CD44: variants seen among roughly 807,000 people sequenced by gnomAD.
CD44 encodes the protein CD44 molecule (IN blood group), also known as CD44 antigen.
CD44 carries 49 observed loss-of-function variants against 88.8 expected under a neutral mutation model. The ratio of observed to expected loss-of-function variants is 0.55; its 90% CI spans 0.44 to 0.70. The LOEUF is 0.70. CD44 is among the 30% of genes least tolerant of loss of function. The pLI, the probability that CD44 is intolerant of heterozygous loss-of-function variation, is 0.00. For synonymous variants in CD44, 325 were observed against 312.3 expected, an observed-to-expected ratio of 1.04 and a Z score of -0.43; for missense variants, 883 against 913.8, an observed-to-expected ratio of 0.97 and a Z score of 0.43.
chr11:35,140,058 G>A (rs1325920590), intron 1 of CD44, among the ~76,000 whole-genome samples: 1 of 152,240 alleles, frequency 6.6e-6, no homozygotes, highest in African/African-American at 2.4e-5. Flanking sequence ...TGGACCAGCT[G>A]CTTGGTCCTC....
chr11:35,176,745 G>A lies in CD44; in HGVS notation c.233+5G>A, dbSNP rs758352011. On this transcript the variant is annotated splice_donor_5th_base_variant and intron_variant, in intron 2 of 17. Transcript: ENST00000428726. ...CATCGGATTTGAGACCTGCAGGTAA[G>A]AGACCAGCACCCGACCACTGGGGAA... 8.7e-6 allele frequency: 14 copies of A among 1,613,370 alleles called. No individual in the cohort carries two copies. The highest frequency in any genetic ancestry group is 1.2e-5 in the Non-Finnish European group (14 of 1,179,650).
intron 16 of CD44, among the ~76,000 whole-genome samples, chr11:35,221,262 G>A (rs956371586): frequency 2.0e-5 from 3 of 152,028 alleles, no homozygotes; most frequent in African/African-American, 7.2e-5. Context: ...TTAATACAAT[G>A]TAAGGTGGAT....
At chr11:35,147,917 C>T (rs1590887073) in intron 1 of CD44, among the ~76,000 whole-genome samples, 3 of 152,126 alleles carry the variant, frequency 2.0e-5, no homozygotes, top group East Asian at 3.9e-4. Flanking sequence ...GGAGAAACCC[C>T]GTCTCTACTA....
chr11:35,195,424 AG>A (rs375273249), intron 5 of CD44, among the ~76,000 whole-genome samples: 332 of 151,678 alleles, frequency 2.2e-3, no homozygotes, highest in Middle Eastern at 6.8e-3. Context: ...AGGGGTGGGG[AG>A]GGGGGATACA....
intron 4 of CD44, among the ~76,000 whole-genome samples, chr11:35,188,079 G>A (rs1406857455): frequency 2.0e-5 from 3 of 152,112 alleles, no homozygotes; most frequent in African/African-American, 4.8e-5. Context: ...CTGATCTTAC[G>A]GCCTCTGAGC....
Position 35,229,166 on chromosome 11 carries a change from A to G in CD44, c.2062A>G (p.Asn688Asp), listed in dbSNP as rs1305685443. ...QKKKLVINSG[N>D]GAVEDRKPSG... is the part of the protein sequence containing the mutation. ...GAAAAAGCTAGTGATCAACAGTGGC[A>G]ATGGAGCTGTGGAGGACAGAAAGCC... The change falls in exon 18 of 18, where the codon AAT (asparagine) becomes GAT (aspartate). Residue 688 changes from asparagine (N) to aspartate (D), a missense_variant. By Grantham distance (23) the Asn-to-Asp change is conservative. Transcript: ENST00000428726. 1.9e-6 allele frequency: 3 copies of G among 1,614,054 alleles called. No homozygotes were observed. The South Asian group carries it at 3.3e-5, about 18-fold the overall frequency.
At chr11:35,186,422 T>C (rs950258024) in intron 3 of CD44, among the ~76,000 whole-genome samples, 1 of 152,214 alleles carries the variant, frequency 6.6e-6, no homozygotes, top group African/African-American at 2.4e-5. Context: ...GTTCATACTT[T>C]ACTTTTAAAT....
chr11:35,200,411 C>T (rs1947200799), intron 7 of CD44: 1 of 152,350 alleles, frequency 6.6e-6, no homozygotes, highest in Admixed American at 6.6e-5. Context: ...GGCTGGTTAC[C>T]TGTGGTGTCT....
chr11:35,199,442 G>GA (rs148820083), intron 7 of CD44, among the ~76,000 whole-genome samples: 17,170 of 151,998 alleles, frequency 0.11, 1,165 homozygotes, highest in Admixed American at 0.2. Context: ...CTTTTCCTTA[G>GA]AAAAAAGGCT....
rs1055202165 is a variant in CD44 at position 35,217,219 on chromosome 11, A to T, written c.1874-2097A>T. Among the ~76,000 whole-genome samples, 7 of 150,072 alleles carry T rather than the reference A, an allele frequency of 4.7e-5. 1 individual carries two copies. The East Asian group carries it at 1.4e-3, about 29-fold the overall frequency. On this transcript the variant is annotated intron_variant, in intron 15 of 17. Transcript: ENST00000428726. The stretch of plus-strand genomic sequence containing the variant: ...GTCTATTGTTCAAACAGGAGGTTTC[A>T]TCTTGCTGCACGCACACCCAGATCT...
chr11:35,213,677 A>G (rs569329235), intron 14 of CD44: 1 of 151,474 alleles, frequency 6.6e-6, no homozygotes, highest in South Asian at 2.1e-4. Flanking sequence ...AGCATTTAGA[A>G]TCATAGTGGC....
At chr11:35,163,697 G>A (rs1434183821) in intron 1 of CD44, among the ~76,000 whole-genome samples, 3 of 152,034 alleles carry the variant, frequency 2.0e-5, no homozygotes, top group Admixed American at 2.0e-4. Flanking sequence ...CTACTTCCTG[G>A]GAGGAAAAAG....
intron 1 of CD44, among the ~76,000 whole-genome samples, chr11:35,144,904 G>A (rs1408759520): frequency 6.6e-6 from 1 of 152,178 alleles, no homozygotes; most frequent in Non-Finnish European, 1.5e-5. Flanking sequence ...ATTAATGTTT[G>A]ATTCAGGACA....
chr11:35,205,983 C>A, intron 10 of CD44, 129 bp from the exon 11 acceptor site: 1 of 1,334,042 alleles, frequency 7.5e-7, no homozygotes, highest in Non-Finnish European at 9.6e-7. Flanking sequence ...ACTTCCTTGC[C>A]CTCTATACAA....
intron 11 of CD44, among the ~76,000 whole-genome samples, chr11:35,206,721 G>A (rs1473670174): frequency 1.5e-5 from 2 of 136,044 alleles, no homozygotes; most frequent in Non-Finnish European, 3.1e-5. Flanking sequence ...AAACGTGAAG[G>A]AAGAAAAGCC....
At chr11:35,187,485 T>A (rs1945801753) in intron 4 of CD44, among the ~76,000 whole-genome samples, 4 of 152,364 alleles carry the variant, frequency 2.6e-5, no homozygotes, top group African/African-American at 9.6e-5. Flanking sequence ...ATTTACTTGA[T>A]ATTTTTATTT....
chr11:35,196,657 G>T, intron 5 of CD44, 89 bp from the exon 6 acceptor site: 1 of 1,343,782 alleles, frequency 7.4e-7, no homozygotes, highest in Non-Finnish European at 1.0e-6. Context: ...ATTCTCTTGA[G>T]TAGTAAAAGA....
At chr11:35,187,804 A>C (rs1272594493) in intron 4 of CD44, among the ~76,000 whole-genome samples, 1 of 152,190 alleles carries the variant, frequency 6.6e-6, no homozygotes, top group South Asian at 2.1e-4. Context: ...ACGTGTTTTG[A>C]CATTGTTTAT....
chr11:35,166,786 G>A (rs1034857626), intron 1 of CD44, among the ~76,000 whole-genome samples: 42 of 152,242 alleles, frequency 2.8e-4, no homozygotes, highest in African/African-American at 1.0e-3. Flanking sequence ...GTATGATTGT[G>A]CATGACTGTT....
Sources: gnomAD v4.1 joint callset for allele counts (sites outside exome capture counted in the v4.1 genomes callset) on GRCh38, gnomAD v4.1.1 for gene constraint, MANE v1.5 for transcripts, NCBI Gene and HGNC (gene_info 2026-07-23, HGNC 2026-07-21) for gene names.